The following RUFY3 variants were observed in gnomAD, a reference collection of about 807,000 sequenced individuals.
RUFY3 encodes the protein RUN and FYVE domain containing 3, also known as protein RUFY3.
In RUFY3, 34 loss-of-function variants were observed where a neutral mutation model predicts 84.0. That is an observed-to-expected ratio of 0.40 (90% CI 0.31 to 0.54). RUFY3 has a LOEUF of 0.54. Ranked by LOEUF, RUFY3 falls within the 20% of genes least tolerant of loss-of-function variation. The pLI is 0.39. For synonymous variants in RUFY3, 242 were observed against 252.9 expected (o/e 0.96, Z 0.41); for missense variants, 507 against 736.8 (o/e 0.69, Z 3.61).
At chr4:70,715,410 C>A (rs1231277671) in intron 1 of RUFY3, among the ~76,000 whole-genome samples, 1 of 151,766 alleles carries the variant, frequency 6.6e-6, no homozygotes, top group East Asian at 1.9e-4. Flanking sequence ...ATGGCGAAAC[C>A]CTGTCTCTAC....
intron 1 of RUFY3, among the ~76,000 whole-genome samples, chr4:70,715,660 AGATTTTTCTTCTTAAATTATGAAACTGT>A (rs1366319708): frequency 6.6e-6 from 1 of 150,918 alleles, no homozygotes; most frequent in Non-Finnish European, 1.5e-5. Flanking sequence ...GGGGAAAATG[AGATTTTTCTTCTTAAATTATGAAACTGT>A]GATTCAGGAA....
At chr4:70,798,870 G>C (rs1276990556) in intron 14 of RUFY3, among the ~76,000 whole-genome samples, 2 of 152,048 alleles carry the variant, frequency 1.3e-5, no homozygotes, top group African/African-American at 4.8e-5. Flanking sequence ...GCAGTTTGAG[G>C]CTGGGCGTGG....
chr4:70,714,839 T>G (rs1741388460), intron 1 of RUFY3, among the ~76,000 whole-genome samples: 2 of 152,362 alleles, frequency 1.3e-5, no homozygotes, highest in Admixed American at 6.5e-5. Context: ...GGTCACCTAC[T>G]AAGTTTTTGA....
chr4:70,722,448 C>T lies in RUFY3; in HGVS notation c.-126C>T. On this transcript the variant is annotated 5_prime_UTR_variant, in exon 1 of 18. Coordinates refer to ENST00000381006, the MANE Select transcript of RUFY3 (RefSeq NM_001037442.4). ...TTTTTTAAACCTCCCCCACCCTTTT[C>T]CTGAAAGCTTTGTTTCAGAGCTTTG... The T allele has an allele frequency of 7.3e-7, 1 of 1,372,936 alleles. No homozygotes were observed. Among genetic ancestry groups the T allele is most frequent in the Non-Finnish European group, 9.4e-7 (1 of 1,058,852 alleles). 85.0% of individuals were successfully genotyped at this position (1,372,936 alleles called of 1,614,324 possible).
chr4:70,741,746 TA>T lies in RUFY3; in HGVS notation c.178+18997del, dbSNP rs1721353015. ...TTTTTAAAATTTTCTAACCACCTTT[TA>T]ATTGTTTTCCGTAAGAGGAAATGTC... On this transcript the variant is annotated intron_variant, in intron 1 of 17. Coordinates refer to ENST00000381006, the MANE Select transcript of RUFY3 (RefSeq NM_001037442.4). 2.5e-6 allele frequency: 3 copies of T among 1,206,828 alleles called. No individual in the cohort carries two copies. In the African/African-American group the frequency reaches 4.7e-5, roughly 19 times the overall value. 74.8% of individuals were successfully genotyped at this position (1,206,828 alleles called of 1,614,324 possible). A position where few individuals can be genotyped will look rare whatever the true frequency, so the allele number is the denominator to read the frequency against.
chr4:70,709,502 C>T (rs185977047), intron 1 of RUFY3, among the ~76,000 whole-genome samples: 1 of 152,246 alleles, frequency 6.6e-6, no homozygotes, highest in African/African-American at 2.4e-5. Context: ...CATTTACAGA[C>T]ATGTATGTTT....
upstream of RUFY3, among the ~76,000 whole-genome samples, chr4:70,718,024 A>G (rs550953201): frequency 6.6e-6 from 1 of 151,852 alleles, no homozygotes; most frequent in East Asian, 1.9e-4. Flanking sequence ...CTGGGATTAC[A>G]GGCACCCACC....
At chr4:70,764,614 A>G (rs771801359) in intron 4 of RUFY3, 38 bp downstream of exon 4, 6 of 1,219,366 alleles carry the variant, frequency 4.9e-6, no homozygotes, top group African/African-American at 3.0e-5. Flanking sequence ...TTTCCTTGGT[A>G]TGTTCTACAT....
At chr4:70,773,457 T>G (rs1428379241) in intron 5 of RUFY3, 54 bp from the exon 6 acceptor site, 1 of 1,268,918 alleles carries the variant, frequency 7.9e-7, no homozygotes, top group Non-Finnish European at 1.1e-6. Context: ...CATTGTGTTA[T>G]GCCTTGTAAA....
chr4:70,705,418 G>T, intron 1 of RUFY3: 4 of 578,624 alleles, frequency 6.9e-6, no homozygotes, highest in Non-Finnish European at 1.1e-5. Flanking sequence ...CCGGGAGGCG[G>T]GGGCTTTAGG....
At chr4:70,753,819 G>C (rs1193850331) in intron 1 of RUFY3, among the ~76,000 whole-genome samples, 1 of 151,936 alleles carries the variant, frequency 6.6e-6, no homozygotes, top group African/African-American at 2.4e-5. Flanking sequence ...GAATGTGCAT[G>C]GTTTCCAAGG....
intron 14 of RUFY3, among the ~76,000 whole-genome samples, chr4:70,797,101 C>T (rs1731617490): frequency 6.6e-6 from 1 of 151,904 alleles, no homozygotes; most frequent in Non-Finnish European, 1.5e-5. Flanking sequence ...CCACAAAACT[C>T]AGCTAATTTT....
At chr4:70,736,791 C>G (rs186948031) in intron 1 of RUFY3, among the ~76,000 whole-genome samples, 1,828 of 152,286 alleles carry the variant, frequency 0.012, 14 homozygotes, top group Non-Finnish European at 0.019. Context: ...AGGCTAGTCT[C>G]AAACTCCTGA....
intron 1 of RUFY3, among the ~76,000 whole-genome samples, chr4:70,753,968 A>C (rs1723559118): frequency 1.3e-5 from 2 of 152,222 alleles, no homozygotes; most frequent in African/African-American, 4.8e-5. Context: ...TCTGATGACA[A>C]GTCCTAACTC....
intron 14 of RUFY3, among the ~76,000 whole-genome samples, 197 bp downstream of exon 14, chr4:70,795,091 C>T (rs1213986775): frequency 6.6e-6 from 1 of 152,142 alleles, no homozygotes; most frequent in Non-Finnish European, 1.5e-5. Flanking sequence ...CTTTCTCCAA[C>T]TTGATTTCAT....
chr4:70,783,513 T>TTAC (rs2148775462), intron 9 of RUFY3, among the ~76,000 whole-genome samples: 1 of 152,390 alleles, frequency 6.6e-6, no homozygotes, highest in Non-Finnish European at 1.5e-5. Flanking sequence ...CATGTTACTG[T>TTAC]TTTGTAAGAA....
chr4:70,717,224 C>G (rs1741725041), upstream of RUFY3, among the ~76,000 whole-genome samples: 1 of 152,184 alleles, frequency 6.6e-6, no homozygotes, highest in African/African-American at 2.4e-5. Flanking sequence ...TGATTCCCCC[C>G]TTCATTTATC....
chr4:70,747,737 G>A (rs1478413182), intron 1 of RUFY3, among the ~76,000 whole-genome samples: 1 of 152,090 alleles, frequency 6.6e-6, no homozygotes, highest in Non-Finnish European at 1.5e-5. Context: ...TTGAAAGCTG[G>A]GCATGGTGGT....
At chr4:70,705,646 C>CGCCCTG (rs558504423) in intron 1 of RUFY3, among the ~76,000 whole-genome samples, 145 of 152,314 alleles carry the variant, frequency 9.5e-4, no homozygotes, top group South Asian at 1.7e-3. Context: ...CCACCCGGGG[C>CGCCCTG]GCCCTGGCCC....
Sources: gnomAD v4.1 joint callset for allele counts (sites outside exome capture counted in the v4.1 genomes callset) on GRCh38, gnomAD v4.1.1 for gene constraint, MANE v1.5 for transcripts, NCBI Gene and HGNC (gene_info 2026-07-23, HGNC 2026-07-21) for gene names.